The following CLSTN2 variants were observed in gnomAD, a reference collection of about 807,000 sequenced individuals.
The protein encoded by CLSTN2 is calsyntenin 2.
A neutral mutation model predicts 101.2 loss-of-function variants in CLSTN2; 48 were observed. The observed-to-expected ratio is 0.47, with a 90% CI of 0.38 to 0.60. The LOEUF is 0.60. Among genes scored for constraint, CLSTN2 ranks in the 20% least tolerant of loss-of-function variants. CLSTN2 has a pLI of 0.00. For synonymous variants in CLSTN2, 481 were observed against 463.6 expected (o/e 1.04, Z -0.48); for missense variants, 1,160 against 1,238.2 (o/e 0.94, Z 0.95).
At chr3:140,139,188 A>G (rs909715851) in intron 1 of CLSTN2, among the ~76,000 whole-genome samples, 1 of 152,262 alleles carries the variant, frequency 6.6e-6, no homozygotes, top group South Asian at 2.1e-4. Flanking sequence ...GTGAACTTGC[A>G]TTGTAGAGAA....
At chr3:140,455,325 C>T (rs1933369790) in intron 6 of CLSTN2, among the ~76,000 whole-genome samples, 1 of 152,168 alleles carries the variant, frequency 6.6e-6, no homozygotes, top group African/African-American at 2.4e-5. Flanking sequence ...GCCATAGGCT[C>T]CCTGAAGTGC....
chr3:140,157,422 T>C (rs2009973746), intron 1 of CLSTN2, among the ~76,000 whole-genome samples: 1 of 152,214 alleles, frequency 6.6e-6, no homozygotes, highest in South Asian at 2.1e-4. Flanking sequence ...TTGGAACTTG[T>C]TATTGATCTG....
intron 2 of CLSTN2, among the ~76,000 whole-genome samples, chr3:140,205,115 T>C (rs867428557): frequency 3.3e-5 from 5 of 152,220 alleles, no homozygotes; most frequent in African/African-American, 1.2e-4. Context: ...AGACCTATTA[T>C]TTGAATCTTC....
At chr3:140,086,350 C>T (rs916539245) in intron 1 of CLSTN2, among the ~76,000 whole-genome samples, 2 of 152,256 alleles carry the variant, frequency 1.3e-5, no homozygotes, top group East Asian at 1.9e-4. Context: ...AATTTAAATC[C>T]TAGCTCTAAT....
intron 1 of CLSTN2, among the ~76,000 whole-genome samples, chr3:140,107,796 A>G (rs1190812422): frequency 6.6e-6 from 1 of 152,214 alleles, no homozygotes; most frequent in African/African-American, 2.4e-5. Flanking sequence ...GAAATGGATT[A>G]TCATTTCACT....
intron 1 of CLSTN2, among the ~76,000 whole-genome samples, chr3:140,065,732 T>C (rs1253786124): frequency 6.6e-6 from 1 of 152,184 alleles, no homozygotes; most frequent in East Asian, 1.9e-4. Context: ...CTGGAACTAT[T>C]AAATGCATCA....
At chr3:140,420,698 A>G (rs1439442016) in intron 4 of CLSTN2, among the ~76,000 whole-genome samples, 1 of 152,248 alleles carries the variant, frequency 6.6e-6, no homozygotes, top group Non-Finnish European at 1.5e-5. Flanking sequence ...ACAAGCCCAG[A>G]TGTTAAAAAA....
chr3:140,420,049 C>T (rs78742272), intron 4 of CLSTN2, among the ~76,000 whole-genome samples: 86,292 of 148,550 alleles, frequency 0.58, 27,493 homozygotes, highest in African/African-American at 0.86. Context: ...TGTACCATCA[C>T]ACCTGGTTAA....
intron 2 of CLSTN2, among the ~76,000 whole-genome samples, chr3:140,205,355 T>A (rs1028521091): frequency 1.3e-5 from 2 of 152,210 alleles, no homozygotes; most frequent in Non-Finnish European, 2.9e-5. Flanking sequence ...TATCTGCCTA[T>A]AGGGCATGCA....
chr3:140,198,786 T>C (rs2010681587), intron 2 of CLSTN2, among the ~76,000 whole-genome samples: 1 of 152,208 alleles, frequency 6.6e-6, no homozygotes, highest in African/African-American at 2.4e-5. Flanking sequence ...AAAACCATTC[T>C]TAGTCTGCAG....
chr3:140,269,825 A>T (rs1424878381), intron 2 of CLSTN2, among the ~76,000 whole-genome samples: 1 of 152,172 alleles, frequency 6.6e-6, no homozygotes, highest in Non-Finnish European at 1.5e-5. Context: ...CAGCTCCATT[A>T]TTCACTAGCT....
At chr3:139,959,282 G>C (rs1227208358) in intron 1 of CLSTN2, among the ~76,000 whole-genome samples, 1 of 152,108 alleles carries the variant, frequency 6.6e-6, no homozygotes, top group East Asian at 1.9e-4. Context: ...GTGGCCTCCT[G>C]CCTTGCCATT....
chr3:140,156,217 G>T (rs1465044400), intron 1 of CLSTN2, among the ~76,000 whole-genome samples: 1 of 152,238 alleles, frequency 6.6e-6, no homozygotes, highest in Non-Finnish European at 1.5e-5. Context: ...TCATGTTCAG[G>T]GTCAGTGGGA....
At chr3:140,517,632 G>A (rs1189359289) in intron 8 of CLSTN2, among the ~76,000 whole-genome samples, 4 of 152,152 alleles carry the variant, frequency 2.6e-5, no homozygotes, top group African/African-American at 9.7e-5. Flanking sequence ...CTCCAGGCTG[G>A]TACTGGGGAG....
intron 2 of CLSTN2, among the ~76,000 whole-genome samples, chr3:140,366,207 C>A (rs1254089137): frequency 1.3e-5 from 2 of 152,216 alleles, no homozygotes; most frequent in African/African-American, 4.8e-5. Flanking sequence ...CACCTCCCCT[C>A]CCCTCCCAGA....
chr3:139,977,386 C>G (rs1276096684), intron 1 of CLSTN2, among the ~76,000 whole-genome samples: 2 of 152,154 alleles, frequency 1.3e-5, no homozygotes, highest in Non-Finnish European at 2.9e-5. Context: ...GGCTGGCATC[C>G]CTGGGCTCAG....
chr3:140,283,374 C>T (rs1382171738), intron 2 of CLSTN2, among the ~76,000 whole-genome samples: 2 of 152,212 alleles, frequency 1.3e-5, no homozygotes, highest in Non-Finnish European at 2.9e-5. Flanking sequence ...CCTGCACACA[C>T]TAGTACACCT....
chr3:140,268,568 G>A (rs373287320), intron 2 of CLSTN2, among the ~76,000 whole-genome samples: 1 of 152,274 alleles, frequency 6.6e-6, no homozygotes, highest in Admixed American at 6.5e-5. Flanking sequence ...AGCTTTCCCA[G>A]GCAAAACATC....
At chr3:140,506,232 C>T (rs1934681842) in intron 8 of CLSTN2, 1 of 152,236 alleles carries the variant, frequency 6.6e-6, no homozygotes, top group Admixed American at 6.5e-5. Context: ...TTCTCTCTCT[C>T]ATTCCTCCCA....
Sources: allele counts gnomAD v4.1 joint callset (sites outside exome capture counted in the v4.1 genomes callset), GRCh38; gene constraint gnomAD v4.1.1; transcripts MANE v1.5; gene names NCBI Gene and HGNC (gene_info 2026-07-23, HGNC 2026-07-21).